The following TYW1 variants were observed in gnomAD, a reference collection of about 807,000 sequenced individuals.
TYW1 encodes S-adenosyl-L-methionine-dependent tRNA 4-demethylwyosine synthase TYW1.
TYW1 carries 46 observed loss-of-function variants against 96.2 expected under a neutral mutation model. That is an observed-to-expected ratio of 0.48 (90% CI 0.38 to 0.61). TYW1 has a LOEUF of 0.61. TYW1 is among the 20% of genes least tolerant of loss of function. The pLI is 0.00. For synonymous variants in TYW1, 274 were observed against 323.0 expected, an observed-to-expected ratio of 0.85 and a Z score of 1.63; for missense variants, 684 against 909.6, an observed-to-expected ratio of 0.75 and a Z score of 3.19.
At position 67,114,082 on chromosome 7, in the gene TYW1, C is replaced by T. The variant is rs142245560; in HGVS notation, c.1563-3401C>T. ...TGAACTGATCAAGAAGGGTAAAGCA[C>T]ACAGCAGAGTGTGCCAGCTCGCTGA... On this transcript the variant is annotated intron_variant, in intron 12 of 15. Coordinates refer to ENST00000359626, the MANE Select transcript of TYW1 (RefSeq NM_018264.4). Among the ~76,000 whole-genome samples, 36 of 152,320 alleles carry T rather than the reference C, an allele frequency of 2.4e-4. 1 individual carries two copies. The highest frequency in any genetic ancestry group is 3.2e-4 in the Non-Finnish European group (22 of 68,034).
chr7:67,119,889 A>T (rs558875891), intron 13 of TYW1, among the ~76,000 whole-genome samples: 114 of 152,150 alleles, frequency 7.5e-4, no homozygotes, highest in African/African-American at 2.6e-3. Context: ...CTGGGCCCAA[A>T]CGGTCCTCCT....
chr7:67,225,638 C>T (rs1215197923), intron 15 of TYW1, among the ~76,000 whole-genome samples: 1 of 152,046 alleles, frequency 6.6e-6, no homozygotes, highest in Non-Finnish European at 1.5e-5. Flanking sequence ...TGGAACTCAC[C>T]CTCATCAGAG....
At chr7:67,149,281 A>G (rs1258528018) in intron 13 of TYW1, among the ~76,000 whole-genome samples, 1 of 152,240 alleles carries the variant, frequency 6.6e-6, no homozygotes, top group Non-Finnish European at 1.5e-5. Flanking sequence ...CAAACTAGAA[A>G]GAAGGAAGCA....
At chr7:67,120,754 G>A (rs1797736365) in intron 13 of TYW1, among the ~76,000 whole-genome samples, 2 of 152,128 alleles carry the variant, frequency 1.3e-5, no homozygotes, top group African/African-American at 4.8e-5. Context: ...TCCTGTCTTT[G>A]GTCAAAATGT....
Position 67,080,039 on chromosome 7 carries a change from G to A in TYW1, c.1275-3391G>A, listed in dbSNP as rs142966082. Among the ~76,000 whole-genome samples, 380 of 152,276 alleles carry A rather than the reference G, an allele frequency of 2.5e-3. 2 individuals carry two copies. The highest frequency in any genetic ancestry group is 7.2e-3 in the African/African-American group (299 of 41,564). On this transcript the variant is annotated intron_variant, in intron 10 of 15. Coordinates refer to ENST00000359626, the MANE Select transcript of TYW1 (RefSeq NM_018264.4). ...TATTTTATGTATGGATGAGAAGATC[G>A]TGTATTCTGCAGGTGTAGTATGAAA...
At chr7:67,113,307 G>A (rs112072436) in intron 12 of TYW1, among the ~76,000 whole-genome samples, 3,392 of 152,208 alleles carry the variant, frequency 0.022, 58 homozygotes, top group Non-Finnish European at 0.034. Flanking sequence ...TCAGTGTGCA[G>A]TTCATAGTAA....
intron 13 of TYW1, among the ~76,000 whole-genome samples, chr7:67,160,750 C>A: frequency 6.6e-6 from 1 of 151,374 alleles, no homozygotes; most frequent in African/African-American, 2.4e-5. Context: ...TGCCACCATG[C>A]CCAGCTAATT....
intron 7 of TYW1, among the ~76,000 whole-genome samples, chr7:67,025,439 C>T (rs1250015395): frequency 6.6e-6 from 1 of 151,424 alleles, no homozygotes; most frequent in East Asian, 1.9e-4. Context: ...GGCCAGTGGG[C>T]TGTGGGTTGG....
chr7:67,173,441 T>C (rs1799574251), intron 13 of TYW1, among the ~76,000 whole-genome samples: 2 of 152,234 alleles, frequency 1.3e-5, no homozygotes, highest in Admixed American at 1.3e-4. Context: ...CGATTGACGA[T>C]ATATTCAGTT....
chr7:67,015,402 G>T (rs959738133), intron 5 of TYW1, among the ~76,000 whole-genome samples: 8 of 152,080 alleles, frequency 5.3e-5, no homozygotes, highest in African/African-American at 1.9e-4. Flanking sequence ...ATCCAGGCTG[G>T]AATGCAGTGA....
chr7:67,132,390 G>T (rs948485019), intron 13 of TYW1, among the ~76,000 whole-genome samples: 3 of 152,044 alleles, frequency 2.0e-5, no homozygotes, highest in Non-Finnish European at 4.4e-5. Flanking sequence ...GATTACAGAC[G>T]TGATCTACTG....
chr7:67,196,264 T>C (rs1475506073), intron 15 of TYW1, among the ~76,000 whole-genome samples: 1 of 152,182 alleles, frequency 6.6e-6, no homozygotes, highest in African/African-American at 2.4e-5. Context: ...TCAAAAATGC[T>C]ATTTTGTATA....
chr7:67,058,637 GT>G (rs900765881), intron 9 of TYW1, among the ~76,000 whole-genome samples: 10 of 148,128 alleles, frequency 6.8e-5, no homozygotes, highest in South Asian at 2.2e-4. Flanking sequence ...CCTGGCAAAA[GT>G]TTTTTTTTTG....
intron 15 of TYW1, among the ~76,000 whole-genome samples, chr7:67,220,808 G>A (rs1801365479): frequency 6.6e-6 from 1 of 151,406 alleles, no homozygotes; most frequent in Admixed American, 6.6e-5. Context: ...CGCGATCTCG[G>A]CTTGCCACAA....
chr7:67,032,885 C>CTTTTTTTTTTTTTTTTTTTT (rs778743156), intron 7 of TYW1, among the ~76,000 whole-genome samples: 1 of 76,278 alleles, frequency 1.3e-5, no homozygotes, highest in African/African-American at 6.0e-5. Flanking sequence ...AGAAGTATAC[C>CTTTTTTTTTTTTTTTTTTTT]TTTTTTTTTT....
intron 15 of TYW1, among the ~76,000 whole-genome samples, chr7:67,220,477 A>C (rs1191339153): frequency 6.6e-6 from 1 of 152,174 alleles, no homozygotes; most frequent in Non-Finnish European, 1.5e-5. Flanking sequence ...TGCTGGGATT[A>C]CAGGCCTAAG....
intron 15 of TYW1, among the ~76,000 whole-genome samples, chr7:67,197,313 T>C (rs1344721975): frequency 6.7e-6 from 1 of 149,176 alleles, no homozygotes; most frequent in East Asian, 2.0e-4. Context: ...GTAGGTACTA[T>C]CGAGACCTCT....
At chr7:67,070,157 T>G (rs1235461635) in intron 10 of TYW1, among the ~76,000 whole-genome samples, 1 of 152,202 alleles carries the variant, frequency 6.6e-6, no homozygotes, top group African/African-American at 2.4e-5. Context: ...TTCTTTCAAG[T>G]TTCTTTCTTT....
At chr7:67,236,750 T>C (rs568037646) in intron 15 of TYW1, among the ~76,000 whole-genome samples, 1 of 152,322 alleles carries the variant, frequency 6.6e-6, no homozygotes, top group African/African-American at 2.4e-5. Flanking sequence ...AGCTCTTAGC[T>C]AGTGGGTAAA....
Sources: allele counts gnomAD v4.1 joint callset (sites outside exome capture counted in the v4.1 genomes callset), GRCh38; gene constraint gnomAD v4.1.1; transcripts MANE v1.5; gene names NCBI Gene and HGNC (gene_info 2026-07-23, HGNC 2026-07-21).